Variants in ELP3 observed in about 807,000 individuals in gnomAD.
The protein encoded by ELP3 is elongator complex protein 3.
A neutral mutation model predicts 74.9 loss-of-function variants in ELP3; 56 were observed. The ratio of observed to expected loss-of-function variants is 0.75; its 90% CI spans 0.60 to 0.93. ELP3 has a LOEUF of 0.93. ELP3 is among the 40% of genes least tolerant of loss of function. The probability of loss-of-function intolerance (pLI) is 0.00; values close to 1 mark genes in which losing one functional copy is unlikely to be tolerated. For missense variants in ELP3, 573 were observed against 686.5 expected (o/e 0.83, Z 1.85); for synonymous variants, 222 against 239.8 (o/e 0.93, Z 0.68).
intron 3 of ELP3, among the ~76,000 whole-genome samples, chr8:28,105,445 G>A (rs1013257137): frequency 6.6e-6 from 1 of 152,180 alleles, no homozygotes; most frequent in Non-Finnish European, 1.5e-5. Context: ...CTTTGCTCCA[G>A]CCCTGGAATC....
chr8:28,112,921 T>C, intron 6 of ELP3, 98 bp from the exon 7 acceptor site: 1 of 1,159,538 alleles, frequency 8.6e-7, no homozygotes, highest in East Asian at 2.5e-5. Flanking sequence ...TTTTAAACTG[T>C]ACTGATGAAA....
Position 28,170,703 on chromosome 8 carries a change from A to T in ELP3, c.1567+8625A>T, listed in dbSNP as rs147040972. ...GAGAAATTTTATGCATTGTAAGAAA[A>T]TTTTTTTCATTTGGGGAGTTGATAA... On this transcript the variant is annotated intron_variant, in intron 14 of 14. Coordinates refer to ENST00000256398, the MANE Select transcript of ELP3 (RefSeq NM_018091.6). 7.8e-4 allele frequency among the ~76,000 whole-genome samples: 118 copies of T among 152,130 alleles called. 1 individual carries two copies. The East Asian group carries it at 0.017, about 22-fold the overall frequency.
At chr8:28,170,275 T>C (rs983716512) in intron 14 of ELP3, among the ~76,000 whole-genome samples, 7 of 152,222 alleles carry the variant, frequency 4.6e-5, no homozygotes, top group Admixed American at 6.5e-5. Context: ...TACTTCTCCA[T>C]TGCTTTGTGA....
chr8:28,165,031 A>G (rs1398479386), intron 14 of ELP3, among the ~76,000 whole-genome samples: 1 of 152,044 alleles, frequency 6.6e-6, no homozygotes, highest in Non-Finnish European at 1.5e-5. Context: ...AGCTGAGAAG[A>G]GGCACTGATT....
intron 4 of ELP3, 83 bp from the exon 5 acceptor site, chr8:28,107,830 C>A: frequency 9.6e-7 from 1 of 1,045,602 alleles, no homozygotes; most frequent in Non-Finnish European, 1.5e-6. Context: ...TATCAGGATT[C>A]TTTGGAGATG....
chr8:28,100,990 A>G (rs1811457610), intron 3 of ELP3, among the ~76,000 whole-genome samples: 2 of 152,188 alleles, frequency 1.3e-5, no homozygotes, highest in African/African-American at 2.4e-5. Context: ...CTTGGTGACC[A>G]TATCTCCTGG....
chr8:28,160,170 A>G, intron 12 of ELP3, 59 bp from the exon 13 acceptor site: 7 of 1,483,530 alleles, frequency 4.7e-6, no homozygotes, highest in Non-Finnish European at 6.4e-6. Flanking sequence ...ATACAATTAC[A>G]AAAATGAATT....
At chr8:28,185,713 G>A (rs910557886) in intron 14 of ELP3, among the ~76,000 whole-genome samples, 2 of 152,190 alleles carry the variant, frequency 1.3e-5, no homozygotes, top group African/African-American at 4.8e-5. Flanking sequence ...AGCGCCCAGA[G>A]GCAGTGGCTG....
At chr8:28,157,792 A>G (rs1813891967) in intron 11 of ELP3, among the ~76,000 whole-genome samples, 1 of 152,222 alleles carries the variant, frequency 6.6e-6, no homozygotes, top group Non-Finnish European at 1.5e-5. Flanking sequence ...GTCTGGTAGC[A>G]TAGCATGCAC....
chr8:28,100,449 G>A (rs1811432226), intron 3 of ELP3, among the ~76,000 whole-genome samples: 1 of 152,230 alleles, frequency 6.6e-6, no homozygotes, highest in Non-Finnish European at 1.5e-5. Context: ...AAGAAGAGCA[G>A]GCTCTAAGTG....
chr8:28,127,729 A>AT lies in ELP3; in HGVS notation c.618-1770dup, dbSNP rs923971307. Among the ~76,000 whole-genome samples, 5 of 147,540 alleles carry AT rather than the reference A, an allele frequency of 3.4e-5. No homozygotes were observed. In the South Asian group the frequency reaches 6.7e-4, roughly 20 times the overall value. On this transcript the variant is annotated intron_variant, in intron 7 of 14. Transcript: ENST00000256398. ...TAGTTTGGATCCTGTCTTAGGCAAG[A>AT]TTTGATAAGATCTGAGCCCTTTTTC...
At chr8:28,122,530 AC>A (rs1812413722) in intron 7 of ELP3, among the ~76,000 whole-genome samples, 1 of 152,174 alleles carries the variant, frequency 6.6e-6, no homozygotes, top group Non-Finnish European at 1.5e-5. Flanking sequence ...TTAAAAAGTT[AC>A]GTTTTTCAAG....
intron 12 of ELP3, among the ~76,000 whole-genome samples, chr8:28,159,563 A>G (rs1259481009): frequency 2.6e-5 from 4 of 152,164 alleles, no homozygotes; most frequent in Non-Finnish European, 5.9e-5. Context: ...TATGGCTTCT[A>G]TTTAAGAAAA....
chr8:28,158,494 T>C (rs1293040315), intron 11 of ELP3, 74 bp from the exon 12 acceptor site: 1 of 1,014,794 alleles, frequency 9.9e-7, no homozygotes, highest in Non-Finnish European at 1.5e-6. Context: ...AAAATAAAGA[T>C]TGAATTGGTT....
At chr8:28,121,332 T>G (rs1200410245) in intron 7 of ELP3, among the ~76,000 whole-genome samples, 2 of 149,784 alleles carry the variant, frequency 1.3e-5, no homozygotes, top group Non-Finnish European at 3.0e-5. Context: ...TTATTTTTTT[T>G]TTTTTGAATC....
intron 1 of ELP3, among the ~76,000 whole-genome samples, chr8:28,094,634 GCTGAGGC>G (rs1811180764): frequency 6.6e-6 from 1 of 152,098 alleles, no homozygotes; most frequent in Non-Finnish European, 1.5e-5. Flanking sequence ...TGAGGCTGAG[GCTGAGGC>G]AGAGGCGGGA....
chr8:28,154,478 A>G (rs1174642500), intron 10 of ELP3, among the ~76,000 whole-genome samples: 6 of 152,162 alleles, frequency 3.9e-5, no homozygotes, highest in African/African-American at 7.2e-5. Flanking sequence ...TATATTTCTT[A>G]TATGTGTATA....
Position 28,110,495 on chromosome 8 carries a change from C to T in ELP3, c.462+57C>T. Reference sequence around the variant, plus strand: ...TTAGGTGTTTATACTTAGTAAGAAGCCATTGTTGCTTGATTCAAATTGAAC... The same window carrying T: ...TTAGGTGTTTATACTTAGTAAGAAGTCATTGTTGCTTGATTCAAATTGAAC... On this transcript the variant is annotated intron_variant, in intron 6 of 14. Transcript: ENST00000256398. 2.2e-6 allele frequency: 3 copies of T among 1,356,782 alleles called. No individual in the cohort carries two copies. The South Asian group carries it at 3.8e-5, about 17-fold the overall frequency. 84.0% of individuals were successfully genotyped at this position (1,356,782 alleles called of 1,614,324 possible).
chr8:28,104,579 C>T lies in ELP3; in HGVS notation c.259-2134C>T, dbSNP rs572313866. ...TCTTTTTTGGACTCCGTTATCTTAA[C>T]GCTTTTGAAGATTTCTGGCAAGTTA... On this transcript the variant is annotated intron_variant, in intron 3 of 14. Coordinates refer to ENST00000256398, the MANE Select transcript of ELP3 (RefSeq NM_018091.6). 6.6e-5 allele frequency among the ~76,000 whole-genome samples: 10 copies of T among 152,310 alleles called. No individual in the cohort carries two copies. In the East Asian group the frequency reaches 1.9e-3, roughly 29 times the overall value.
Sources: allele counts gnomAD v4.1 joint callset (sites outside exome capture counted in the v4.1 genomes callset), GRCh38; gene constraint gnomAD v4.1.1; transcripts MANE v1.5; gene names NCBI Gene and HGNC (gene_info 2026-07-23, HGNC 2026-07-21).